DYSF: variants seen among roughly 807,000 people sequenced by gnomAD.
DYSF encodes dystrophy-associated fer-1-like 1.
DYSF carries 212 observed loss-of-function variants against 274.9 expected under a neutral mutation model. The observed-to-expected ratio is 0.77, with a 90% CI of 0.69 to 0.86. The LOEUF (loss-of-function observed/expected upper bound fraction) is 0.86, where lower values mean the gene tolerates loss of function less well. Among genes scored for constraint, DYSF ranks in the 40% least tolerant of loss-of-function variants. The pLI, the probability that DYSF is intolerant of heterozygous loss-of-function variation, is 0.00. For missense variants in DYSF, 2,666 were observed against 2,783.2 expected (o/e 0.96, Z 0.95); for synonymous variants, 1,091 against 1,078.7 (o/e 1.01, Z -0.22).
intron 30 of DYSF, among the ~76,000 whole-genome samples, chr2:71,586,611 G>A (rs921894406): frequency 5.3e-5 from 8 of 152,132 alleles, no homozygotes; most frequent in Non-Finnish European, 1.2e-4. Flanking sequence ...CAGGCAGGAG[G>A]CCCTGCCCTT....
At chr2:71,495,776 G>C (rs2084319968) in intron 3 of DYSF, among the ~76,000 whole-genome samples, 1 of 152,092 alleles carries the variant, frequency 6.6e-6, no homozygotes, top group Non-Finnish European at 1.5e-5. Context: ...ACTGACATAG[G>C]GGAAGGCCCG....
intron 36 of DYSF, among the ~76,000 whole-genome samples, chr2:71,603,955 A>G (rs1307016777): frequency 6.6e-6 from 1 of 152,188 alleles, no homozygotes; most frequent in African/African-American, 2.4e-5. Context: ...CAGAAAGCAA[A>G]TCAAAACTGC....
chr2:71,659,077 A>G, intron 44 of DYSF, 44 bp downstream of exon 44: 1 of 1,613,416 alleles, frequency 6.2e-7, no homozygotes, highest in Non-Finnish European at 8.5e-7. Flanking sequence ...TAGCAGGCTC[A>G]GGTACAAGTG....
intron 3 of DYSF, among the ~76,000 whole-genome samples, chr2:71,483,189 G>A (rs1181619943): frequency 6.6e-6 from 1 of 152,216 alleles, no homozygotes; most frequent in Admixed American, 6.5e-5. Flanking sequence ...GCTGCAAGGT[G>A]TGGGGCCCAG....
intron 3 of DYSF, among the ~76,000 whole-genome samples, chr2:71,483,024 G>C (rs549961237): frequency 1.3e-5 from 2 of 152,230 alleles, no homozygotes; most frequent in Admixed American, 6.5e-5. Context: ...CTAGGGAAGG[G>C]CAATCAGGGT....
chr2:71,570,474 T>TG, intron 28 of DYSF, 125 bp from the exon 29 acceptor site: 1 of 1,470,176 alleles, frequency 6.8e-7, no homozygotes, highest in Non-Finnish European at 9.3e-7. Flanking sequence ...CACTCCAAGC[T>TG]GCAAATTAGG....
intron 19 of DYSF, 36 bp downstream of exon 19, chr2:71,551,756 G>C (rs540032318): frequency 1.9e-6 from 3 of 1,548,910 alleles, no homozygotes; most frequent in Non-Finnish European, 2.6e-6. Flanking sequence ...GCTGGGCGTC[G>C]GGGCAGGGAA....
chr2:71,590,271 A>AC lies in DYSF; in HGVS notation c.3558dup (p.Lys1187GlnfsTer6), dbSNP rs886042504. 2 of 1,614,154 alleles carry AC rather than the reference A, an allele frequency of 1.2e-6. No homozygotes were observed. The highest frequency in any genetic ancestry group is 3.3e-5 in the Admixed American group (2 of 60,014). ...CAGGCCCGGGACCTGGCTGCGATGG[A>AC]CAAGGACTCTTTTTCTGGTAGGTGG... On this transcript the variant is annotated frameshift_variant, in exon 32 of 56. Transcript: ENST00000410020. LOFTEE classifies it high-confidence loss of function.
chr2:71,644,624 GTTTC>G (rs1375668406), intron 42 of DYSF, among the ~76,000 whole-genome samples: 1 of 152,098 alleles, frequency 6.6e-6, no homozygotes. Context: ...GGGAAACCCT[GTTTC>G]TGTGGAAAAA....
chr2:71,482,804 C>A (rs908676626), intron 3 of DYSF, among the ~76,000 whole-genome samples: 1 of 152,056 alleles, frequency 6.6e-6, no homozygotes, highest in African/African-American at 2.4e-5. Context: ...GAGGCAGCTG[C>A]GTTAGATGCC....
At chr2:71,601,605 A>G (rs1303837964) in intron 35 of DYSF, 77 bp downstream of exon 35, 2 of 1,593,234 alleles carry the variant, frequency 1.3e-6, no homozygotes, top group Non-Finnish European at 1.7e-6. Context: ...TGGGTTAGGA[A>G]GGGTGGCCAG....
chr2:71,513,305 T>G lies in DYSF; in HGVS notation c.526T>G (p.Ser176Ala), dbSNP rs1310930625. 2 of 1,551,398 alleles carry G rather than the reference T, an allele frequency of 1.3e-6. No homozygotes were observed. Among genetic ancestry groups the G allele is most frequent in the Admixed American group, 2.0e-5 (1 of 50,976 alleles). The change falls in exon 6 of 56, where the codon TCT becomes GCT. Residue 176 changes from serine (S) to alanine (A), a missense_variant. Transcript: ENST00000410020. ...TGACAGCACCATGGACACGAGATACTCTGGAAAGAAGTGGCCGGCCCCCAC... is the reference window on the plus strand; with the variant it reads ...TGACAGCACCATGGACACGAGATACGCTGGAAAGAAGTGGCCGGCCCCCAC... ...LSDSTMDTRYSGKKWPAPTDT... is the reference protein window; with the variant it reads ...LSDSTMDTRYAGKKWPAPTDT...
At chr2:71,622,144 T>G (rs868267820) in intron 41 of DYSF, among the ~76,000 whole-genome samples, 3 of 93,862 alleles carry the variant, frequency 3.2e-5, no homozygotes, top group African/African-American at 6.0e-5. Context: ...TTTTTTTTTT[T>G]TTGTTACGCC....
chr2:71,665,457 G>A (rs769772274), intron 47 of DYSF, among the ~76,000 whole-genome samples, 153 bp downstream of exon 47: 2 of 152,142 alleles, frequency 1.3e-5, no homozygotes, highest in Non-Finnish European at 2.9e-5. Flanking sequence ...GGCTCCACTT[G>A]CACTTGGTAC....
intron 26 of DYSF, among the ~76,000 whole-genome samples, chr2:71,568,747 G>T (rs779268818): frequency 2.4e-4 from 36 of 152,024 alleles, no homozygotes; most frequent in Non-Finnish European, 5.9e-5. Flanking sequence ...TTTTTGTAGA[G>T]ACAGGGTCTC....
chr2:71,642,474 C>G (rs1256967382), intron 41 of DYSF, among the ~76,000 whole-genome samples: 2 of 152,196 alleles, frequency 1.3e-5, no homozygotes, highest in Non-Finnish European at 2.9e-5. Flanking sequence ...CTTTAAACAT[C>G]AAGGCTTGGG....
intron 45 of DYSF, among the ~76,000 whole-genome samples, chr2:71,663,926 C>T (rs1367154259): frequency 6.6e-6 from 1 of 152,200 alleles, no homozygotes; most frequent in Admixed American, 6.5e-5. Flanking sequence ...GCTCTGGCCC[C>T]TGGCTCTGGA....
intron 51 of DYSF, 118 bp downstream of exon 51, chr2:71,669,864 G>A: frequency 7.1e-7 from 1 of 1,399,890 alleles, no homozygotes; most frequent in Non-Finnish European, 1.0e-6. Context: ...CCACCATGTT[G>A]GAGCTACCAC....
rs2093794192 is a variant in DYSF, at chr2:71,612,741, G to GCTCC, written c.4325_4328dup (p.Glu1444ProfsTer7). 1 of 1,614,036 alleles carries GCTCC rather than the reference G, an allele frequency of 6.2e-7. No homozygotes were observed. Among genetic ancestry groups the GCTCC allele is most frequent in the African/African-American group, 1.3e-5 (1 of 74,924 alleles). On this transcript the variant is annotated frameshift_variant, in exon 39 of 56. Coordinates refer to ENST00000410020, the MANE Select transcript of DYSF (RefSeq NM_001130987.2). LOFTEE classifies it high-confidence loss of function. The stretch of plus-strand genomic sequence containing the variant: ...CCTGTGGTGGGCCAGTGTACCATCC[G>GCTCC]CTCCCTGGAGAGCTTCCTGTGTGAC...
Sources: gnomAD v4.1 joint callset for allele counts (sites outside exome capture counted in the v4.1 genomes callset) on GRCh38, gnomAD v4.1.1 for gene constraint, MANE v1.5 for transcripts, NCBI Gene and HGNC (gene_info 2026-07-23, HGNC 2026-07-21) for gene names.